EHBP1: variants seen among roughly 807,000 people sequenced by gnomAD.
EHBP1 encodes EH domain-binding protein 1.
In EHBP1, 55 loss-of-function variants were observed where a neutral mutation model predicts 144.0. The ratio of observed to expected loss-of-function variants is 0.38; its 90% CI spans 0.31 to 0.48. The LOEUF is 0.48. Ranked by LOEUF, EHBP1 falls within the 20% of genes least tolerant of loss-of-function variation. EHBP1 has a pLI of 0.98. For missense variants in EHBP1, 1,200 were observed against 1,364.2 expected (o/e 0.88, Z 1.90); for synonymous variants, 469 against 472.7 (o/e 0.99, Z 0.10).
At chr2:62,919,325 C>A (rs373146431) in intron 10 of EHBP1, among the ~76,000 whole-genome samples, 2 of 152,228 alleles carry the variant, frequency 1.3e-5, no homozygotes, top group Admixed American at 6.5e-5. Flanking sequence ...TCTTTTTCCC[C>A]TTTTGGGAGA....
chr2:62,906,896 A>G (rs2053853293), intron 10 of EHBP1, among the ~76,000 whole-genome samples: 1 of 152,224 alleles, frequency 6.6e-6, no homozygotes, highest in Non-Finnish European at 1.5e-5. Flanking sequence ...AAATTGAATC[A>G]TATAACCTTT....
At chr2:62,844,760 G>A (rs2048173504) in intron 7 of EHBP1, among the ~76,000 whole-genome samples, 1 of 152,154 alleles carries the variant, frequency 6.6e-6, no homozygotes, top group South Asian at 2.1e-4. Context: ...CAGACATTAT[G>A]AGGCTCCTGA....
intron 3 of EHBP1, among the ~76,000 whole-genome samples, chr2:62,754,752 TGG>T (rs2040107402): frequency 6.6e-6 from 1 of 152,184 alleles, no homozygotes; most frequent in African/African-American, 2.4e-5. Context: ...GTACTAGCAA[TGG>T]GCAGGGCTCT....
chr2:62,720,011 C>T (rs1401306192), intron 2 of EHBP1, among the ~76,000 whole-genome samples: 1 of 152,172 alleles, frequency 6.6e-6, no homozygotes, highest in Admixed American at 6.5e-5. Flanking sequence ...AAAAAGCAGA[C>T]ATCACATGAA....
chr2:62,962,002 T>C (rs2058026064), intron 14 of EHBP1, among the ~76,000 whole-genome samples: 1 of 152,068 alleles, frequency 6.6e-6, no homozygotes, highest in African/African-American at 2.4e-5. Context: ...CACTCCAGCC[T>C]GGGCAACAGA....
intron 5 of EHBP1, among the ~76,000 whole-genome samples, chr2:62,780,382 A>C (rs2042341838): frequency 6.6e-6 from 1 of 152,110 alleles, no homozygotes; most frequent in African/African-American, 2.4e-5. Flanking sequence ...GGCGGGGTAT[A>C]ATAGATATGA....
At chr2:62,873,874 T>C (rs1482531266) in intron 9 of EHBP1, among the ~76,000 whole-genome samples, 1 of 152,196 alleles carries the variant, frequency 6.6e-6, no homozygotes, top group Admixed American at 6.5e-5. Flanking sequence ...TAGGAGAATT[T>C]ACTATAAGCA....
chr2:63,006,191 T>A (rs1029237057), intron 19 of EHBP1, among the ~76,000 whole-genome samples: 1 of 152,022 alleles, frequency 6.6e-6, no homozygotes, highest in Non-Finnish European at 1.5e-5. Flanking sequence ...GAGTCAACAG[T>A]GCTTTGCACA....
intron 2 of EHBP1, among the ~76,000 whole-genome samples, chr2:62,719,687 C>G (rs1486412358): frequency 6.6e-6 from 1 of 152,116 alleles, no homozygotes; most frequent in East Asian, 1.9e-4. Context: ...GGTCATTATT[C>G]TCTAAAAAAT....
At chr2:62,889,047 CTTTTTTTTTTTTTTTTTT>C (rs71410971) in intron 10 of EHBP1, among the ~76,000 whole-genome samples, 5 of 39,678 alleles carry the variant, frequency 1.3e-4, no homozygotes, top group South Asian at 1.4e-3. Flanking sequence ...GTAGGTACCT[CTTTTTTTTTTTTTTTTTT>C]TTTTTTTTTT....
chr2:62,793,476 A>G (rs1424531265), intron 5 of EHBP1, among the ~76,000 whole-genome samples: 3 of 152,064 alleles, frequency 2.0e-5, no homozygotes, highest in Non-Finnish European at 4.4e-5. Context: ...ATTCAAGGAC[A>G]GTTTTTGTGA....
chr2:63,033,593 G>A (rs1417282244), intron 19 of EHBP1, among the ~76,000 whole-genome samples: 2 of 152,058 alleles, frequency 1.3e-5, no homozygotes, highest in Non-Finnish European at 2.9e-5. Context: ...ATTTTATGGT[G>A]AAAGATTAAT....
chr2:63,000,453 T>G (rs1434338254), intron 19 of EHBP1, among the ~76,000 whole-genome samples: 1 of 151,926 alleles, frequency 6.6e-6, no homozygotes, highest in African/African-American at 2.4e-5. Flanking sequence ...CCCAGCACTT[T>G]GGGAGGCCGA....
intron 3 of EHBP1, among the ~76,000 whole-genome samples, chr2:62,753,864 C>T (rs1229764001): frequency 6.6e-6 from 1 of 152,192 alleles, no homozygotes; most frequent in Middle Eastern, 3.2e-3. Context: ...AAAGAGTCCT[C>T]TACACTGGTT....
intron 21 of EHBP1, chr2:63,044,321 C>T (rs1342251640): frequency 6.7e-6 from 1 of 149,462 alleles, no homozygotes; most frequent in African/African-American, 2.5e-5. Context: ...TCGGGTTTTC[C>T]AACCTTTAAC....
intron 13 of EHBP1, among the ~76,000 whole-genome samples, chr2:62,951,747 A>T (rs1452842959): frequency 1.3e-5 from 2 of 151,706 alleles, no homozygotes; most frequent in Non-Finnish European, 2.9e-5. Flanking sequence ...CTGGTCTCGA[A>T]CTCCTGACCT....
chr2:62,955,404 A>T (rs1468082167), intron 13 of EHBP1, 113 bp from the exon 14 acceptor site: 2 of 1,018,008 alleles, frequency 2.0e-6, no homozygotes, highest in African/African-American at 1.6e-5. Context: ...ATGAAGCTAC[A>T]ATCTTATTCA....
intron 9 of EHBP1, among the ~76,000 whole-genome samples, chr2:62,866,116 C>T (rs2050013767): frequency 6.6e-6 from 1 of 152,220 alleles, no homozygotes; most frequent in Non-Finnish European, 1.5e-5. Flanking sequence ...GACTTCCTAA[C>T]ACATGGGACA....
At chr2:62,782,819 C>G (rs1002014312) in intron 5 of EHBP1, among the ~76,000 whole-genome samples, 5 of 152,140 alleles carry the variant, frequency 3.3e-5, no homozygotes, top group African/African-American at 1.2e-4. Context: ...TGGCCCCTCC[C>G]ATATCTCATG....
Sources: allele counts gnomAD v4.1 joint callset (sites outside exome capture counted in the v4.1 genomes callset), GRCh38; gene constraint gnomAD v4.1.1; transcripts MANE v1.5; gene names NCBI Gene and HGNC (gene_info 2026-07-23, HGNC 2026-07-21).